The following POLG2 variants were observed in gnomAD, a reference collection of about 807,000 sequenced individuals.
The protein encoded by POLG2 is DNA polymerase subunit gamma-2.
Under a neutral mutation model 56.5 loss-of-function variants are expected in POLG2, and 50 were observed. That is an observed-to-expected ratio of 0.88 (90% CI 0.71 to 1.12). The LOEUF (loss-of-function observed/expected upper bound fraction) is 1.12. Ranked by LOEUF, POLG2 falls within the 50% of genes most tolerant of loss-of-function variation. POLG2 has a pLI of 0.00. For synonymous variants in POLG2, 226 were observed against 222.6 expected, an observed-to-expected ratio of 1.02 and a Z score of -0.14; for missense variants, 584 against 583.3, an observed-to-expected ratio of 1.00 and a Z score of -0.01.
intron 7 of POLG2, among the ~76,000 whole-genome samples, chr17:64,479,188 T>G (rs1300410183): frequency 2.0e-5 from 3 of 150,570 alleles, no homozygotes; most frequent in South Asian, 2.1e-4. Flanking sequence ...AAGGTGTTTT[T>G]TTTTTTTTTT....
chr17:64,483,504 A>T, intron 5 of POLG2, among the ~76,000 whole-genome samples: 1 of 142,994 alleles, frequency 7.0e-6, no homozygotes, highest in Non-Finnish European at 1.5e-5. Context: ...ACAGAGTGAG[A>T]TCCTGTCTCA....
intron 4 of POLG2, among the ~76,000 whole-genome samples, chr17:64,486,259 G>A (rs1160196146): frequency 6.6e-6 from 1 of 152,076 alleles, no homozygotes; most frequent in Non-Finnish European, 1.5e-5. Flanking sequence ...GATTCTGAAC[G>A]AACTCAACTG....
intron 1 of POLG2, 129 bp from the exon 2 acceptor site, chr17:64,493,150 G>T: frequency 9.8e-7 from 1 of 1,022,516 alleles, no homozygotes; most frequent in Non-Finnish European, 1.5e-6. Flanking sequence ...AAGCTTGGTG[G>T]CTCACGCCTA....
In POLG2 at chr17:64,482,939, G is replaced by A; in HGVS notation, c.1171C>T (p.Pro391Ser). 1 of 1,598,168 alleles carries A rather than the reference G, an allele frequency of 6.3e-7. No individual in the cohort carries two copies. The highest frequency in any genetic ancestry group is 1.3e-5 in the African/African-American group (1 of 74,496). Reference protein sequence around the residue: ...IKVALDVGRGPTLELRQVCQG... With the variant: ...IKVALDVGRGSTLELRQVCQG... ...CTCACCTGTCTTAGTTCCAATGTGGGGCCTCTTCCTACATCCAAAGCAACC... is the reference window on the plus strand; with the variant it reads ...CTCACCTGTCTTAGTTCCAATGTGGAGCCTCTTCCTACATCCAAAGCAACC... The change falls in exon 6 of 8, where the codon CCC becomes TCC. Residue 391 changes from proline (P) to serine (S), a missense_variant. By Grantham distance (74) the Pro-to-Ser change is moderately conservative (BLOSUM62 -1). Coordinates refer to ENST00000539111, the MANE Select transcript of POLG2 (RefSeq NM_007215.4).
chr17:64,489,320 G>C (rs2038014939), intron 4 of POLG2, among the ~76,000 whole-genome samples: 1 of 145,712 alleles, frequency 6.9e-6, no homozygotes, highest in Non-Finnish European at 1.5e-5. Flanking sequence ...GTATATTGCT[G>C]ACCAGTAAAT....
chr17:64,478,870 G>A (rs1555665995), intron 7 of POLG2, among the ~76,000 whole-genome samples: 5 of 152,006 alleles, frequency 3.3e-5, no homozygotes, highest in African/African-American at 7.2e-5. Context: ...GCACCAGCCC[G>A]GGCGACAGTG....
chr17:64,491,733 A>T (rs2038062382), intron 3 of POLG2: 1 of 812,192 alleles, frequency 1.2e-6, no homozygotes, highest in Admixed American at 1.8e-5. Context: ...CATGCTCTTC[A>T]TCTACTGCCT....
At chr17:64,491,912 T>C in intron 3 of POLG2, 1 of 154,288 alleles carries the variant, frequency 6.5e-6, no homozygotes, top group South Asian at 1.7e-4. Context: ...AAATAAAAGA[T>C]GACTGGTACT....
intron 3 of POLG2, chr17:64,491,721 T>A: frequency 1.1e-6 from 1 of 882,634 alleles, no homozygotes; most frequent in Non-Finnish European, 1.9e-6. Flanking sequence ...GCTGGCAGGG[T>A]ACATGCTCTT....
Position 64,492,680 on chromosome 17 carries a change from TG to T in POLG2, c.781del (p.Gln261SerfsTer8). 6.2e-7 allele frequency: 1 copy of T among 1,603,248 alleles called. No individual in the cohort carries two copies. Among genetic ancestry groups the T allele is most frequent in the Non-Finnish European group, 8.5e-7 (1 of 1,170,906 alleles). The part of the protein sequence containing the change: ...WLDFWLRHRL[Q>X]WWRKFAMSPS... ...TTATTGCAGTACCTTTCTCCACCAC[TG>T]GAGTCGATGACGTAACCAGAAATCA... On this transcript the variant is annotated frameshift_variant, in exon 3 of 8. Transcript: ENST00000539111. LOFTEE classifies it high-confidence loss of function.
At chr17:64,483,729 T>C (rs1324373149) in intron 5 of POLG2, among the ~76,000 whole-genome samples, 1 of 151,826 alleles carries the variant, frequency 6.6e-6, no homozygotes, top group African/African-American at 2.4e-5. Flanking sequence ...TGCTTTTTTT[T>C]TTTTTTTAAA....
At position 64,493,416 on chromosome 17, in the gene POLG2, T is replaced by G. The variant is rs528887634; in HGVS notation, c.563-395A>C. The stretch of plus-strand genomic sequence containing the variant: ...TGGGCAACAGAGTGAAACCCTGTCT[T>G]AAAAAAAAACAAAAAAAGACAGATC... On this transcript the variant is annotated intron_variant, in intron 1 of 7. Coordinates refer to ENST00000539111, the MANE Select transcript of POLG2 (RefSeq NM_007215.4). Among the ~76,000 whole-genome samples the G allele has an allele frequency of 2.7e-5, 4 of 149,844 alleles. No homozygotes were observed. The East Asian group carries it at 7.8e-4, about 29-fold the overall frequency.
intron 1 of POLG2, 54 bp from the exon 2 acceptor site, chr17:64,493,075 T>C (rs2038091363): frequency 1.3e-6 from 2 of 1,580,864 alleles, no homozygotes; most frequent in Non-Finnish European, 1.7e-6. Flanking sequence ...ACCCAAATCA[T>C]TTTTGTCAAT....
At chr17:64,489,269 C>A (rs1408226925) in intron 4 of POLG2, among the ~76,000 whole-genome samples, 2 of 145,542 alleles carry the variant, frequency 1.4e-5, no homozygotes, top group Non-Finnish European at 3.0e-5. Context: ...CTGTGAAATA[C>A]CAATTTAAAA....
At position 64,477,838 on chromosome 17, in the gene POLG2, T is replaced by A. The variant is rs1555665785; in HGVS notation, c.1443A>T (p.Ser481=). 1 of 1,595,604 alleles carries A rather than the reference T, an allele frequency of 6.3e-7. No individual in the cohort carries two copies. The highest frequency in any genetic ancestry group is 8.5e-7 in the Non-Finnish European group (1 of 1,172,660). The change falls in exon 8 of 8, where the codon TCA becomes TCT. Residue 481 remains serine, a synonymous_variant. Coordinates refer to ENST00000539111, the MANE Select transcript of POLG2 (RefSeq NM_007215.4). ...ATATAAAAATCTATACATTCTTAGCTGATGATATATACTTAATCAAAAAGT... is the reference window on the plus strand; with the variant it reads ...ATATAAAAATCTATACATTCTTAGCAGATGATATATACTTAATCAAAAAGT... The part of the protein sequence containing the change: ...LKDFLIKYIS[S]AKNV
intron 6 of POLG2, chr17:64,481,202 T>G: frequency 1.2e-6 from 1 of 839,160 alleles, no homozygotes; most frequent in Non-Finnish European, 1.4e-6. Flanking sequence ...TACAGCATCC[T>G]AGGAGCTTCC....
chr17:64,487,130 GTTAA>G (rs1426714965), intron 4 of POLG2: 2 of 151,320 alleles, frequency 1.3e-5, no homozygotes, highest in African/African-American at 2.4e-5. Context: ...CTCAGCTTCT[GTTAA>G]TTATTCATGA....
At chr17:64,482,175 C>A (rs1387863825) in intron 6 of POLG2, among the ~76,000 whole-genome samples, 1 of 146,450 alleles carries the variant, frequency 6.8e-6, no homozygotes, top group Non-Finnish European at 1.5e-5. Context: ...GCGATCTCGG[C>A]TCACTGCAAC....
chr17:64,486,247 G>A (rs1399604958), intron 4 of POLG2, among the ~76,000 whole-genome samples: 3 of 152,144 alleles, frequency 2.0e-5, no homozygotes, highest in Non-Finnish European at 2.9e-5. Context: ...CTCTATCCCA[G>A]AGATTCTGAA....
Sources: gnomAD v4.1 joint callset for allele counts (sites outside exome capture counted in the v4.1 genomes callset) on GRCh38, gnomAD v4.1.1 for gene constraint, MANE v1.5 for transcripts, NCBI Gene and HGNC (gene_info 2026-07-23, HGNC 2026-07-21) for gene names.